The following POLA1 variants were observed in gnomAD, a reference collection of about 807,000 sequenced individuals.
POLA1 encodes DNA polymerase alpha catalytic subunit.
A neutral mutation model predicts 124.0 loss-of-function variants in POLA1; 15 were observed. The ratio of observed to expected loss-of-function variants is 0.12; its 90% CI spans 0.08 to 0.19. The LOEUF is 0.19. Ranked by LOEUF, POLA1 falls within the 10% of genes least tolerant of loss-of-function variation. The pLI, the probability that POLA1 is intolerant of heterozygous loss-of-function variation, is 1.00. For synonymous variants in POLA1, 408 were observed against 389.4 expected (o/e 1.05, Z -0.56); for missense variants, 886 against 1,103.4 (o/e 0.80, Z 2.79).
intron 18 of POLA1, among the ~76,000 whole-genome samples, chrX:24,736,960 CAT>C (rs1931315337): frequency 9.0e-6 from 1 of 111,675 alleles, no homozygotes; most frequent in Admixed American, 9.5e-5. Context: ...TTTTGATAAA[CAT>C]AGGAAAGTGA....
chrX:24,698,642 T>A (rs1928190753), intron 1 of POLA1, among the ~76,000 whole-genome samples: 1 of 111,373 alleles, frequency 9.0e-6, no homozygotes, highest in Admixed American at 9.6e-5. Flanking sequence ...TTTGTTGTTG[T>A]TGTTTTTTGT....
At chrX:24,987,167 G>A (rs1212268639) in intron 36 of POLA1, among the ~76,000 whole-genome samples, 1 of 112,065 alleles carries the variant, frequency 8.9e-6, no homozygotes, top group Non-Finnish European at 1.9e-5. Context: ...ATGTGATGAG[G>A]AACTGGGGCC....
At chrX:24,714,392 G>A (rs771561582) in intron 4 of POLA1, among the ~76,000 whole-genome samples, 162 bp from the exon 5 acceptor site, 37 of 112,508 alleles carry the variant, frequency 3.3e-4, no homozygotes, top group Middle Eastern at 4.6e-3. Context: ...TCCTGATCTC[G>A]TGATCCTCCC....
intron 36 of POLA1, among the ~76,000 whole-genome samples, chrX:24,942,345 A>G (rs1350052090): frequency 8.9e-6 from 1 of 111,874 alleles, no homozygotes; most frequent in African/African-American, 3.3e-5. Context: ...CCTGTTCTTA[A>G]TCTATTAGGG....
intron 34 of POLA1, among the ~76,000 whole-genome samples, chrX:24,854,650 C>G (rs762504411): frequency 1.8e-5 from 2 of 110,019 alleles, no homozygotes; most frequent in East Asian, 5.7e-4. Context: ...GCCAACATGG[C>G]GAAACCTGTC....
chrX:24,913,909 TC>T (rs1038842543), intron 35 of POLA1, among the ~76,000 whole-genome samples: 9 of 109,291 alleles, frequency 8.2e-5, no homozygotes, highest in African/African-American at 3.0e-4. Context: ...GCGTGTGTAA[TC>T]CGAGCTACTT....
At chrX:24,808,183 C>G (rs934941303) in intron 26 of POLA1, among the ~76,000 whole-genome samples, 3 of 111,860 alleles carry the variant, frequency 2.7e-5, no homozygotes, top group African/African-American at 9.8e-5. Flanking sequence ...CGCTTTCCAC[C>G]TTGCAGCCGG....
chrX:24,899,238 ACTTT>A (rs1255401212), intron 35 of POLA1, among the ~76,000 whole-genome samples: 1 of 111,514 alleles, frequency 9.0e-6, no homozygotes, highest in East Asian at 2.8e-4. Context: ...ATTCATCGTG[ACTTT>A]CTTCTGTTTT....
At chrX:24,939,715 A>G (rs2047890936) in intron 36 of POLA1, among the ~76,000 whole-genome samples, 1 of 111,756 alleles carries the variant, frequency 8.9e-6, no homozygotes, top group African/African-American at 3.2e-5. Context: ...TAAACTGAGT[A>G]TTGTGGTATG....
chrX:24,765,150 T>A (rs1284969958), intron 26 of POLA1, among the ~76,000 whole-genome samples: 1 of 110,896 alleles, frequency 9.0e-6, no homozygotes, highest in Non-Finnish European at 1.9e-5. Context: ...CACACATGAA[T>A]TCTGTCCCTC....
intron 34 of POLA1, among the ~76,000 whole-genome samples, chrX:24,845,091 T>C (rs2046459114): frequency 8.9e-6 from 1 of 112,167 alleles, no homozygotes; most frequent in African/African-American, 3.2e-5. Flanking sequence ...TGATCTTCTG[T>C]ATAGCTAGAA....
At chrX:24,712,346 A>G (rs973853919) in intron 4 of POLA1, among the ~76,000 whole-genome samples, 2 of 111,878 alleles carry the variant, frequency 1.8e-5, no homozygotes, top group Admixed American at 9.5e-5. Flanking sequence ...GTGGCCTCCC[A>G]AAGTGTTGGG....
At position 24,748,433 on chromosome X, in the gene POLA1, A is replaced by G; in HGVS notation, c.2814A>G (p.Gln938=). Residue 938 remains glutamine (Q), a synonymous_variant, in exon 25 of 37, where the codon CAA becomes CAG. Transcript: ENST00000379068. ...AAGTCAAACAGCTAATGAAACAGCA[A>G]GACTTAAATCCAGACCTTATTCTTC... ...RKQVKQLMKQ[Q]DLNPDLILQY... The G allele has an allele frequency of 1.7e-6, 2 of 1,203,526 alleles. No individual in the cohort carries two copies. The highest frequency in any genetic ancestry group is 2.3e-6 in the Non-Finnish European group (2 of 888,455).
At chrX:24,916,260 A>G (rs1175406730) in intron 35 of POLA1, among the ~76,000 whole-genome samples, 1 of 109,265 alleles carries the variant, frequency 9.2e-6, no homozygotes, top group East Asian at 2.8e-4. Flanking sequence ...CTATTACAAG[A>G]ACCTGAGAAC....
intron 4 of POLA1, among the ~76,000 whole-genome samples, chrX:24,713,658 G>A (rs866538825): frequency 4.5e-5 from 5 of 111,472 alleles, no homozygotes; most frequent in Admixed American, 9.5e-5. Context: ...CTCGTGATCC[G>A]CCCGCCTCGG....
intron 34 of POLA1, among the ~76,000 whole-genome samples, chrX:24,884,202 G>C (rs1442010689): frequency 9.0e-6 from 1 of 111,228 alleles, no homozygotes; most frequent in African/African-American, 3.3e-5. Flanking sequence ...TGGCTGGAGT[G>C]CTGTGACATA....
intron 35 of POLA1, among the ~76,000 whole-genome samples, chrX:24,922,245 ATT>A (rs11289063): frequency 1.7e-4 from 17 of 97,710 alleles, no homozygotes; most frequent in Admixed American, 5.6e-4. Flanking sequence ...CAACTAGTTT[ATT>A]TTTTTTTTTT....
chrX:24,777,214 A>G (rs909530655), intron 26 of POLA1, among the ~76,000 whole-genome samples: 6 of 112,233 alleles, frequency 5.3e-5, no homozygotes, highest in African/African-American at 1.9e-4. Flanking sequence ...ACAATACAAA[A>G]AGATTTGACC....
At chrX:24,811,128 T>C (rs1170233717) in intron 28 of POLA1, among the ~76,000 whole-genome samples, 1 of 110,455 alleles carries the variant, frequency 9.1e-6, no homozygotes, top group Non-Finnish European at 1.9e-5. Flanking sequence ...TAAAAAACAA[T>C]TTTTTTTGTA....
Sources: allele counts gnomAD v4.1 joint callset (sites outside exome capture counted in the v4.1 genomes callset), GRCh38; gene constraint gnomAD v4.1.1; transcripts MANE v1.5; gene names NCBI Gene and HGNC (gene_info 2026-07-23, HGNC 2026-07-21).